Variants in NKAIN2 observed in about 807,000 individuals in gnomAD.
The protein encoded by NKAIN2 is sodium/potassium transporting ATPase interacting 2.
A neutral mutation model predicts 32.6 loss-of-function variants in NKAIN2; 14 were observed. The ratio of observed to expected loss-of-function variants is 0.43; its 90% confidence interval spans 0.28 to 0.67. The LOEUF (loss-of-function observed/expected upper bound fraction) is 0.67, where lower values mean the gene tolerates loss of function less well. NKAIN2 is among the 30% of genes least tolerant of loss of function. The pLI is 0.17. For synonymous variants in NKAIN2, 80 were observed against 87.2 expected (o/e 0.92, Z 0.46); for missense variants, 198 against 258.3 (o/e 0.77, Z 1.60).
chr6:124,180,798 C>T (rs965698210), intron 1 of NKAIN2, among the ~76,000 whole-genome samples: 1 of 152,300 alleles, frequency 6.6e-6, no homozygotes, highest in East Asian at 1.9e-4. Context: ...GGTACAGCCT[C>T]CCTCCTGGCT....
intron 1 of NKAIN2, among the ~76,000 whole-genome samples, chr6:124,247,604 C>T (rs1278606221): frequency 6.6e-6 from 1 of 152,084 alleles, no homozygotes; most frequent in Non-Finnish European, 1.5e-5. Context: ...ACAATGGCTC[C>T]TCTTTGCATA....
chr6:123,825,848 A>T (rs759210996), intron 1 of NKAIN2, among the ~76,000 whole-genome samples: 5 of 152,156 alleles, frequency 3.3e-5, no homozygotes, highest in Non-Finnish European at 7.4e-5. Flanking sequence ...ACAGTAGCCC[A>T]TCTCATTTCA....
chr6:124,295,508 T>A (rs966677133), intron 2 of NKAIN2, among the ~76,000 whole-genome samples: 1 of 152,122 alleles, frequency 6.6e-6, no homozygotes, highest in African/African-American at 2.4e-5. Flanking sequence ...TGCTTATTTA[T>A]ATCATATAGA....
At chr6:123,848,199 T>C (rs1413298288) in intron 1 of NKAIN2, among the ~76,000 whole-genome samples, 1 of 152,176 alleles carries the variant, frequency 6.6e-6, no homozygotes, top group Admixed American at 6.5e-5. Flanking sequence ...TACTGGAGCC[T>C]AGAGCTTTGA....
At chr6:124,663,209 G>A (rs749561982) in intron 4 of NKAIN2, among the ~76,000 whole-genome samples, 8 of 151,960 alleles carry the variant, frequency 5.3e-5, no homozygotes, top group Non-Finnish European at 8.8e-5. Context: ...ACTGGATCAC[G>A]AGGTCAGGAG....
At chr6:124,035,471 G>A (rs1384443755) in intron 1 of NKAIN2, among the ~76,000 whole-genome samples, 6 of 151,960 alleles carry the variant, frequency 3.9e-5, no homozygotes, top group Admixed American at 3.9e-4. Context: ...AGTTTCCCCC[G>A]AAATCATTCC....
intron 4 of NKAIN2, among the ~76,000 whole-genome samples, chr6:124,762,555 C>T (rs1283852130): frequency 6.6e-6 from 1 of 152,058 alleles, no homozygotes; most frequent in East Asian, 1.9e-4. Context: ...GTGATAAACT[C>T]TAAAGATTAG....
At chr6:124,297,998 G>T (rs959388505) in intron 2 of NKAIN2, among the ~76,000 whole-genome samples, 1 of 152,064 alleles carries the variant, frequency 6.6e-6, no homozygotes. Flanking sequence ...TGGAATGAAA[G>T]GTTAATATAA....
At chr6:124,145,768 G>A (rs1294292440) in intron 1 of NKAIN2, among the ~76,000 whole-genome samples, 1 of 152,120 alleles carries the variant, frequency 6.6e-6, no homozygotes, top group Non-Finnish European at 1.5e-5. Flanking sequence ...GCCTCCCAAA[G>A]TGCTGGGATT....
intron 1 of NKAIN2, among the ~76,000 whole-genome samples, chr6:124,168,816 C>T (rs1788701805): frequency 6.6e-6 from 1 of 151,978 alleles, no homozygotes; most frequent in Non-Finnish European, 1.5e-5. Context: ...AGTTTAACTT[C>T]CAAAATGATG....
chr6:124,481,525 T>C (rs1161136993), intron 3 of NKAIN2, among the ~76,000 whole-genome samples: 1 of 152,178 alleles, frequency 6.6e-6, no homozygotes, highest in Non-Finnish European at 1.5e-5. Context: ...ATTACCATTC[T>C]CTGCCTGCTA....
intron 3 of NKAIN2, among the ~76,000 whole-genome samples, chr6:124,454,776 A>G (rs771277266): frequency 1.3e-5 from 2 of 152,074 alleles, no homozygotes; most frequent in Non-Finnish European, 2.9e-5. Context: ...TGAAATATAT[A>G]TGAAGAAAAC....
chr6:124,066,829 T>G (rs1210907232), intron 1 of NKAIN2, among the ~76,000 whole-genome samples: 1 of 151,586 alleles, frequency 6.6e-6, no homozygotes, highest in Non-Finnish European at 1.5e-5. Flanking sequence ...AACACATTGA[T>G]GCAATTTGAA....
intron 1 of NKAIN2, among the ~76,000 whole-genome samples, chr6:124,163,344 A>G (rs1418611045): frequency 1.3e-5 from 2 of 152,036 alleles, no homozygotes; most frequent in Non-Finnish European, 2.9e-5. Context: ...TGCCCATAAG[A>G]AATGGAATGA....
At chr6:124,403,842 T>G (rs181369588) in intron 3 of NKAIN2, among the ~76,000 whole-genome samples, 1 of 152,342 alleles carries the variant, frequency 6.6e-6, no homozygotes, top group Admixed American at 6.5e-5. Flanking sequence ...TTAAGATGGG[T>G]AACCATATTT....
chr6:124,798,511 G>A (rs1780111457), intron 5 of NKAIN2, among the ~76,000 whole-genome samples: 1 of 152,020 alleles, frequency 6.6e-6, no homozygotes, highest in African/African-American at 2.4e-5. Flanking sequence ...TGAAGACCCA[G>A]GCTTTGCACG....
chr6:124,053,461 CT>C (rs1268549682), intron 1 of NKAIN2, among the ~76,000 whole-genome samples: 1 of 152,060 alleles, frequency 6.6e-6, no homozygotes, highest in Non-Finnish European at 1.5e-5. Flanking sequence ...CGGCAACAGG[CT>C]GTTTGCTATA....
rs116384411 is a variant in NKAIN2 at position 123,971,564 on chromosome 6, A to T, written c.54+167310A>T. Among the ~76,000 whole-genome samples the T allele has an allele frequency of 1.3e-3, 196 of 152,264 alleles. 1 individual carries two copies. The highest frequency in any genetic ancestry group is 4.6e-3 in the African/African-American group (191 of 41,546). On this transcript the variant is annotated intron_variant, in intron 1 of 6. Coordinates refer to ENST00000368417, the MANE Select transcript of NKAIN2 (RefSeq NM_001040214.3). ...AGTTTGGATGGTTTGATTCCTACAC[A>T]TCTAATATCTTGAGCGGATATTCCT... is the stretch of plus-strand genomic sequence containing the variant.
intron 3 of NKAIN2, among the ~76,000 whole-genome samples, chr6:124,646,191 G>A (rs1179412465): frequency 6.6e-6 from 1 of 152,058 alleles, no homozygotes; most frequent in African/African-American, 2.4e-5. Context: ...TTAAAACTCT[G>A]ATAATTCAGA....
Sources: allele counts gnomAD v4.1 joint callset (sites outside exome capture counted in the v4.1 genomes callset), GRCh38; gene constraint gnomAD v4.1.1; transcripts MANE v1.5; gene names NCBI Gene and HGNC (gene_info 2026-07-23, HGNC 2026-07-21).